The following SORCS1 variants were observed in gnomAD, a reference collection of about 807,000 sequenced individuals.
The protein encoded by SORCS1 is sortilin related VPS10 domain containing receptor 1, also known as VPS10 domain-containing receptor SorCS1.
SORCS1 carries 60 observed loss-of-function variants against 146.1 expected under a neutral mutation model. The observed-to-expected ratio is 0.41, with a 90% CI of 0.33 to 0.51. The LOEUF is 0.51. Among genes scored for constraint, SORCS1 ranks in the 20% least tolerant of loss-of-function variants. The probability of loss-of-function intolerance (pLI) is 0.21; values close to 1 mark genes in which losing one functional copy is unlikely to be tolerated. For synonymous variants in SORCS1, 637 were observed against 584.0 expected, an observed-to-expected ratio of 1.09 and a Z score of -1.31; for missense variants, 1,352 against 1,487.6, an observed-to-expected ratio of 0.91 and a Z score of 1.50.
At chr10:106,695,151 T>G (rs1853601619) in intron 9 of SORCS1, among the ~76,000 whole-genome samples, 1 of 152,184 alleles carries the variant, frequency 6.6e-6, no homozygotes, top group African/African-American at 2.4e-5. Context: ...GACACTTGTT[T>G]CCAGGCTTTT....
intron 1 of SORCS1, among the ~76,000 whole-genome samples, chr10:107,084,904 A>T (rs1963647205): frequency 1.3e-5 from 2 of 152,122 alleles, no homozygotes; most frequent in African/African-American, 2.4e-5. Flanking sequence ...CGTTCATGAG[A>T]CTCTGATTAC....
chr10:106,738,423 C>T (rs1454763731), intron 5 of SORCS1, among the ~76,000 whole-genome samples: 1 of 152,144 alleles, frequency 6.6e-6, no homozygotes, highest in Non-Finnish European at 1.5e-5. Flanking sequence ...ATCTTGAATA[C>T]TTATAAGTCA....
At chr10:107,095,217 A>G (rs1440950501) in intron 1 of SORCS1, among the ~76,000 whole-genome samples, 1 of 152,206 alleles carries the variant, frequency 6.6e-6, no homozygotes, top group African/African-American at 2.4e-5. Flanking sequence ...TAGGATGGGG[A>G]CTTAGTCTAT....
chr10:106,994,880 T>C (rs1367584526), intron 1 of SORCS1, among the ~76,000 whole-genome samples: 2 of 152,208 alleles, frequency 1.3e-5, no homozygotes, highest in Non-Finnish European at 2.9e-5. Flanking sequence ...CCTTCCACCG[T>C]TTCTGCATAG....
At chr10:107,107,610 C>T (rs947859622) in intron 1 of SORCS1, among the ~76,000 whole-genome samples, 9 of 152,222 alleles carry the variant, frequency 5.9e-5, no homozygotes, top group African/African-American at 2.2e-4. Flanking sequence ...GTATCTCCCA[C>T]AGCAACAATA....
At chr10:107,166,819 T>C (rs1489586858), upstream of SORCS1, among the ~76,000 whole-genome samples, 2 of 152,232 alleles carry the variant, frequency 1.3e-5, no homozygotes, top group Non-Finnish European at 2.9e-5. Flanking sequence ...CATCCAAATA[T>C]AGGCTGGAAG....
Position 107,060,222 on chromosome 10 carries a change from G to A in SORCS1, c.559-103642C>T, listed in dbSNP as rs957331494. ...ATGGAAATGACAATGAGGATCTGAA[G>A]TTTACATGCTGTCTTCAGAATGTTT... On this transcript the variant is annotated intron_variant, in intron 1 of 25. Coordinates refer to ENST00000263054, the MANE Select transcript of SORCS1 (RefSeq NM_052918.5). This position sits in a 1 kb window ranked among gnomAD's most constrained non-coding sequence, Gnocchi z 4.1. Among the ~76,000 whole-genome samples, 2 of 152,124 alleles carry A rather than the reference G, an allele frequency of 1.3e-5. No homozygotes were observed. Among genetic ancestry groups the A allele is most frequent in the African/African-American group, 4.8e-5 (2 of 41,428 alleles).
chr10:106,875,429 T>TTCAG (rs1202697774), intron 2 of SORCS1, among the ~76,000 whole-genome samples: 1 of 152,200 alleles, frequency 6.6e-6, no homozygotes, highest in Non-Finnish European at 1.5e-5. Context: ...AACATACATG[T>TTCAG]TCAGGTATCT....
At chr10:106,800,379 GTTTAACAGAAC>G (rs1946804394) in intron 3 of SORCS1, among the ~76,000 whole-genome samples, 1 of 151,984 alleles carries the variant, frequency 6.6e-6, no homozygotes, top group African/African-American at 2.4e-5. Context: ...TGATATCTCT[GTTTAACAGAAC>G]ATTTCTAGGA....
At chr10:107,015,456 A>C (rs909345091) in intron 1 of SORCS1, among the ~76,000 whole-genome samples, 2 of 152,194 alleles carry the variant, frequency 1.3e-5, no homozygotes, top group Non-Finnish European at 2.9e-5. Flanking sequence ...TAGGCATGCC[A>C]GTAACTGAGG....
chr10:107,109,355 C>T (rs1965522063), intron 1 of SORCS1, among the ~76,000 whole-genome samples: 1 of 152,232 alleles, frequency 6.6e-6, no homozygotes, highest in African/African-American at 2.4e-5. Flanking sequence ...TAGACGGAGG[C>T]CAAGCCTCCT....
At position 106,629,331 on chromosome 10, in the gene SORCS1, A is replaced by G; in HGVS notation, c.2533T>C (p.Tyr845His). The G allele has an allele frequency of 1.2e-6, 2 of 1,614,188 alleles. No homozygotes were observed. The highest frequency in any genetic ancestry group is 2.2e-5 in the South Asian group (2 of 91,080). Residue 845 changes from tyrosine (Y) to histidine (H), a missense_variant, in exon 19 of 26, where the codon TAC (tyrosine) becomes CAC (histidine). By Grantham distance (83) the Tyr-to-His change is moderately conservative (BLOSUM62 2). Coordinates refer to ENST00000263054, the MANE Select transcript of SORCS1 (RefSeq NM_052918.5). ...TCTTCCATGGAGCTGAGATTGACGT[A>G]AGACACCGCGATACCATCGCCAAAG... The part of the protein sequence containing the change: ...VDFGDGIAVS[Y>H]VNLSSMEDGI...
intron 4 of SORCS1, among the ~76,000 whole-genome samples, chr10:106,763,678 T>C (rs961191978): frequency 1.3e-5 from 2 of 152,168 alleles, no homozygotes; most frequent in African/African-American, 4.8e-5. Context: ...ACCTCTTCTA[T>C]GAACCCTCCT....
At chr10:106,812,685 A>T (rs1218471413) in intron 3 of SORCS1, among the ~76,000 whole-genome samples, 3 of 152,202 alleles carry the variant, frequency 2.0e-5, no homozygotes, top group Non-Finnish European at 4.4e-5. Flanking sequence ...TAATAGAGTA[A>T]ATGCAACATA....
At chr10:107,101,097 T>C (rs1334368114) in intron 1 of SORCS1, among the ~76,000 whole-genome samples, 2 of 152,160 alleles carry the variant, frequency 1.3e-5, no homozygotes, top group Non-Finnish European at 2.9e-5. Context: ...TTCACTCTCA[T>C]TGCCCAGGCT....
At chr10:107,093,438 G>C (rs1338978010) in intron 1 of SORCS1, among the ~76,000 whole-genome samples, 3 of 152,164 alleles carry the variant, frequency 2.0e-5, no homozygotes, top group Non-Finnish European at 4.4e-5. Context: ...ACTTTGGGAG[G>C]CCGAGGAGGG....
intron 3 of SORCS1, among the ~76,000 whole-genome samples, chr10:106,796,377 A>G (rs1436664841): frequency 6.6e-6 from 1 of 152,180 alleles, no homozygotes; most frequent in Non-Finnish European, 1.5e-5. Flanking sequence ...GAAATTTTCA[A>G]GAAGATGTAG....
At chr10:106,783,939 G>T (rs1387195221) in intron 3 of SORCS1, among the ~76,000 whole-genome samples, 1 of 152,128 alleles carries the variant, frequency 6.6e-6, no homozygotes, top group Non-Finnish European at 1.5e-5. Flanking sequence ...AACTATTACA[G>T]TGTAACTATT....
chr10:106,986,292 C>T (rs1010818750), intron 1 of SORCS1, among the ~76,000 whole-genome samples: 4 of 151,920 alleles, frequency 2.6e-5, no homozygotes, highest in Non-Finnish European at 4.4e-5. Flanking sequence ...TATACAAACA[C>T]ACGTGTAAAA....
Sources: gnomAD v4.1 joint callset for allele counts (sites outside exome capture counted in the v4.1 genomes callset) on GRCh38, gnomAD v4.1.1 for gene constraint, Gnocchi (gnomAD v3.1) non-coding constraint, MANE v1.5 for transcripts, NCBI Gene and HGNC (gene_info 2026-07-23, HGNC 2026-07-21) for gene names.